The following ZMYND11 variants were observed in gnomAD, a reference collection of about 807,000 sequenced individuals.
ZMYND11 encodes the protein zinc finger MYND domain-containing protein 11.
ZMYND11 carries 9 observed loss-of-function variants against 84.9 expected under a neutral mutation model. The observed-to-expected ratio is 0.11, with a 90% confidence interval of 0.06 to 0.18. The LOEUF (loss-of-function observed/expected upper bound fraction) is 0.18, where lower values mean the gene tolerates loss of function less well. ZMYND11 is among the 10% of genes least tolerant of loss of function. The probability of loss-of-function intolerance (pLI) is 1.00; values close to 1 mark genes in which losing one functional copy is unlikely to be tolerated. For missense variants in ZMYND11, 409 were observed against 761.0 expected, an observed-to-expected ratio of 0.54 and a Z score of 5.44; for synonymous variants, 250 against 244.1, an observed-to-expected ratio of 1.02 and a Z score of -0.23.
rs1189431552 is a variant in ZMYND11, at chr10:252,013, G to C, written c.1687-335G>C. Among the ~76,000 whole-genome samples, 1 of 152,170 alleles carries C rather than the reference G, an allele frequency of 6.6e-6. No individual in the cohort carries two copies. ...TTTAGGCAAGTCTTTCAAGGAGCTT[G>C]TGGGGAGCAGAGAAATGCAAGTGGT... On this transcript the variant is annotated intron_variant, in intron 14 of 14. Coordinates refer to ENST00000381604, the MANE Select transcript of ZMYND11 (RefSeq NM_001370100.5). The surrounding 1 kb of genome is among the most constrained non-coding windows in gnomAD (Gnocchi z 4.6).
At chr10:145,178 A>T (rs1368276438) in intron 1 of ZMYND11, among the ~76,000 whole-genome samples, 1 of 150,564 alleles carries the variant, frequency 6.6e-6, no homozygotes, top group African/African-American at 2.4e-5. Flanking sequence ...ATATATGTGT[A>T]TATATGTGTA....
At chr10:241,268 T>C (rs1333220081) in intron 9 of ZMYND11, among the ~76,000 whole-genome samples, 1 of 152,082 alleles carries the variant, frequency 6.6e-6, no homozygotes, top group Non-Finnish European at 1.5e-5. Context: ...CTTGACCTCC[T>C]CCAGGCTCAA....
rs771559561 is a variant in ZMYND11, at chr10:240,057, A to G, written c.699A>G (p.Ala233=). ...GGTAATATCTATTTTTAATTACAGCAGACAGTGAGCAAGCTGACATTGCGA... is the reference window on the plus strand; with the variant it reads ...GGTAATATCTATTTTTAATTACAGCGGACAGTGAGCAAGCTGACATTGCGA... The part of the protein sequence containing the change: ...LLHNTVIFYG[A]DSEQADIARM... Residue 233 remains alanine, a splice_region_variant and synonymous_variant, in exon 8 of 15, where the codon GCA becomes GCG. Transcript: ENST00000381604. 1.2e-6 allele frequency: 2 copies of G among 1,611,462 alleles called. No homozygotes were observed. The highest frequency in any genetic ancestry group is 1.7e-6 in the Non-Finnish European group (2 of 1,178,578).
At chr10:192,529 G>A (rs1289258009) in intron 2 of ZMYND11, among the ~76,000 whole-genome samples, 1 of 152,140 alleles carries the variant, frequency 6.6e-6, no homozygotes, top group South Asian at 2.1e-4. Flanking sequence ...TGACTTGCCC[G>A]ACTTTTCAGT....
intron 1 of ZMYND11, among the ~76,000 whole-genome samples, chr10:136,225 A>G (rs988598160): frequency 6.6e-6 from 1 of 152,092 alleles, no homozygotes; most frequent in African/African-American, 2.4e-5. Context: ...GCTGCTGAGG[A>G]CGCGGCTGGG....
rs935092228 is a variant in ZMYND11, at chr10:151,609, G to A, written c.-20+16050G>A. 5.9e-5 allele frequency among the ~76,000 whole-genome samples: 9 copies of A among 152,118 alleles called. No individual in the cohort carries two copies. In the East Asian group the frequency reaches 7.7e-4, roughly 13 times the overall value. On this transcript the variant is annotated intron_variant, in intron 1 of 14. Coordinates refer to ENST00000381604, the MANE Select transcript of ZMYND11 (RefSeq NM_001370100.5). ...TCTGATTGGCGTACCTGAAAGTCAC[G>A]GGGAGAATGGAACCAAGTTGGAAAA...
At chr10:174,707 A>C (rs1196016367) in intron 1 of ZMYND11, among the ~76,000 whole-genome samples, 1 of 125,200 alleles carries the variant, frequency 8.0e-6, no homozygotes, top group Admixed American at 8.1e-5. Flanking sequence ...AAAACCCATG[A>C]GTACTACAGT....
Position 246,798 on chromosome 10 carries a change from T to C in ZMYND11, c.983T>C (p.Ile328Thr). 2 of 1,614,148 alleles carry C rather than the reference T, an allele frequency of 1.2e-6. No individual in the cohort carries two copies. Among genetic ancestry groups the C allele is most frequent in the South Asian group, 1.1e-5 (1 of 91,074 alleles). ...AWIPSENIQD[I>T]TVNIHRLHVK... is the part of the protein sequence containing the mutation. ...ATTCCTTCTGAAAACATTCAAGATATCACAGTCAACATTCATCGGCTGCAC... is the reference window on the plus strand; with the variant it reads ...ATTCCTTCTGAAAACATTCAAGATACCACAGTCAACATTCATCGGCTGCAC... The change falls in exon 11 of 15, where the codon ATC becomes ACC. Residue 328 changes from isoleucine (I) to threonine (T), a missense_variant. This residue lies in a region of ZMYND11 where 48 missense variants were observed against 61.1 expected (regional missense o/e 0.79). Transcript: ENST00000381604.
chr10:211,269 A>G (rs1190132796), intron 3 of ZMYND11, among the ~76,000 whole-genome samples: 1 of 152,066 alleles, frequency 6.6e-6, no homozygotes, highest in African/African-American at 2.4e-5. Context: ...CTATAGATAT[A>G]GATAGACATA....
At position 254,163 on chromosome 10, in the gene ZMYND11, T is replaced by G. The variant is rs1953982591; in HGVS notation, c.*1693T>G. On this transcript the variant is annotated 3_prime_UTR_variant, in exon 15 of 15. Coordinates refer to ENST00000381604, the MANE Select transcript of ZMYND11 (RefSeq NM_001370100.5). ...AACACTTAACCTTCTTTGATTGTTT[T>G]TCAAGTTTTAAGACTTCGATCCACC... The G allele has an allele frequency of 6.6e-6, 1 of 152,622 alleles. No individual in the cohort carries two copies. The highest frequency in any genetic ancestry group is 1.5e-5 in the Non-Finnish European group (1 of 68,038). The allele number at this position is 152,622 out of a possible 1,614,324, so 9.5% of individuals were successfully genotyped here. A position where few individuals can be genotyped will look rare whatever the true frequency, so the allele number is the denominator to read the frequency against.
intron 9 of ZMYND11, 37 bp from the exon 10 acceptor site, chr10:241,984 A>G: frequency 6.2e-7 from 1 of 1,605,074 alleles, no homozygotes; most frequent in Non-Finnish European, 8.5e-7. Flanking sequence ...TTAATACTTT[A>G]AAAGTAATAT....
chr10:233,179 T>TG (rs1257048425), intron 4 of ZMYND11, among the ~76,000 whole-genome samples: 4 of 152,040 alleles, frequency 2.6e-5, no homozygotes, highest in Non-Finnish European at 5.9e-5. Flanking sequence ...TCAGAATTTC[T>TG]GGGGGCGGCA....
At chr10:215,403 A>G (rs1002669590) in intron 3 of ZMYND11, among the ~76,000 whole-genome samples, 7 of 152,166 alleles carry the variant, frequency 4.6e-5, no homozygotes, top group African/African-American at 1.7e-4. Context: ...TGTCACAGTT[A>G]ATGCCAGGAC....
intron 1 of ZMYND11, among the ~76,000 whole-genome samples, chr10:137,929 G>T (rs2131069546): frequency 6.6e-6 from 1 of 152,222 alleles, no homozygotes; most frequent in Middle Eastern, 3.4e-3. Context: ...CATAGAGATT[G>T]CTCATATGAA....
At chr10:199,224 ACTCT>A (rs999411852) in intron 2 of ZMYND11, among the ~76,000 whole-genome samples, 2 of 146,754 alleles carry the variant, frequency 1.4e-5, no homozygotes, top group African/African-American at 2.5e-5. Flanking sequence ...TGGTAGCAGA[ACTCT>A]CTCTCTCTCC....
intron 11 of ZMYND11, 33 bp downstream of exon 11, chr10:247,006 A>G (rs1952294610): frequency 6.4e-7 from 1 of 1,551,894 alleles, no homozygotes; most frequent in East Asian, 2.3e-5. Flanking sequence ...GTGCCTATTC[A>G]TTATTACTTT....
At chr10:170,084 T>G (rs1184181196) in intron 1 of ZMYND11, among the ~76,000 whole-genome samples, 3 of 152,082 alleles carry the variant, frequency 2.0e-5, no homozygotes, top group Non-Finnish European at 2.9e-5. Context: ...TACATCTGAC[T>G]TTTCTTCAGA....
intron 1 of ZMYND11, among the ~76,000 whole-genome samples, chr10:141,927 GTTAAAAAGGCTATTT>G (rs1208179865): frequency 6.6e-6 from 1 of 152,166 alleles, no homozygotes; most frequent in African/African-American, 2.4e-5. Flanking sequence ...CATAACTCGG[GTTAAAAAGGCTATTT>G]TTAAAAATTG....
intron 4 of ZMYND11, among the ~76,000 whole-genome samples, chr10:232,083 T>C (rs898123598): frequency 6.6e-6 from 1 of 152,214 alleles, no homozygotes; most frequent in Non-Finnish European, 1.5e-5. Context: ...TCAGAAATAA[T>C]CTGTACATAT....
Sources: gnomAD v4.1 joint callset for allele counts (sites outside exome capture counted in the v4.1 genomes callset) on GRCh38, gnomAD v4.1.1 for gene constraint, gnomAD v4.1.1 regional missense constraint, Gnocchi (gnomAD v3.1) non-coding constraint, MANE v1.5 for transcripts, NCBI Gene and HGNC (gene_info 2026-07-23, HGNC 2026-07-21) for gene names.